The following PEDS1 variants were observed in gnomAD, a reference collection of about 807,000 sequenced individuals.
PEDS1 encodes the protein CarF homolog.
A neutral mutation model predicts 35.2 loss-of-function variants in PEDS1; 14 were observed. The ratio of observed to expected loss-of-function variants is 0.40; its 90% CI spans 0.26 to 0.62. The LOEUF (loss-of-function observed/expected upper bound fraction) is 0.62, where lower values mean the gene tolerates loss of function less well. PEDS1 is among the 20% of genes least tolerant of loss of function. The pLI is 0.44. For missense variants in PEDS1, 260 were observed against 367.8 expected (o/e 0.71, Z 2.40); for synonymous variants, 152 against 152.0 (o/e 1.00, Z 0.00).
chr20:50,141,167 G>T (rs78325311), intron 2 of PEDS1, among the ~76,000 whole-genome samples: 1 of 152,188 alleles, frequency 6.6e-6, no homozygotes, highest in African/African-American at 2.4e-5. Flanking sequence ...GGCTATACAC[G>T]CCCTGGTGGG....
chr20:50,131,256 A>G (rs2081176261), intron 2 of PEDS1: 1 of 619,098 alleles, frequency 1.6e-6, no homozygotes, highest in Non-Finnish European at 2.9e-6. Flanking sequence ...TCTGCCCCAT[A>G]TAAGGAAAGC....
At chr20:50,146,797 C>T (rs924441216) in intron 1 of PEDS1, among the ~76,000 whole-genome samples, 6 of 152,192 alleles carry the variant, frequency 3.9e-5, no homozygotes, top group Non-Finnish European at 8.8e-5. Flanking sequence ...GCAGAGGTCA[C>T]AGGGGCCTAG....
intron 2 of PEDS1, among the ~76,000 whole-genome samples, chr20:50,139,679 C>CT (rs11479032): frequency 0.056 from 7,720 of 137,258 alleles, 289 homozygotes; most frequent in East Asian, 0.13. Flanking sequence ...GGATTTCTTT[C>CT]TTTTTTTTTT....
At chr20:50,152,964 G>C (rs2081420214) in intron 1 of PEDS1, among the ~76,000 whole-genome samples, 1 of 152,110 alleles carries the variant, frequency 6.6e-6, no homozygotes, top group Non-Finnish European at 1.5e-5. Flanking sequence ...CCTGAGTTAG[G>C]GTTCCCTGGG....
rs1420027818 is a variant in PEDS1, at chr20:50,123,166, A to G, written c.*1892T>C. ...CACCTCAGCCTATGAGTCTCTGTAT[A>G]CCAAATCCATGTTTTCCCAACCTTG... is the stretch of plus-strand genomic sequence containing the variant. On this transcript the variant is annotated 3_prime_UTR_variant, in exon 6 of 6. Transcript: ENST00000371652. The G allele has an allele frequency of 6.6e-6, 1 of 152,112 alleles. No individual in the cohort carries two copies. The highest frequency in any genetic ancestry group is 1.5e-5 in the Non-Finnish European group (1 of 68,010). The allele number at this position is 152,112 out of a possible 1,614,324, so 9.4% of individuals were successfully genotyped here.
chr20:50,137,277 C>T (rs1031508926), intron 2 of PEDS1, among the ~76,000 whole-genome samples: 2 of 152,170 alleles, frequency 1.3e-5, no homozygotes, highest in Non-Finnish European at 2.9e-5. Flanking sequence ...AAGCGACCCA[C>T]TCACAAATCC....
rs11416444 is a variant in PEDS1, at chr20:50,122,934, T to TA, written c.*2123dup. On this transcript the variant is annotated 3_prime_UTR_variant, in exon 6 of 6. Coordinates refer to ENST00000371652, the MANE Select transcript of PEDS1 (RefSeq NM_199129.4). ...ACAACATAGTGAGACCCCATTTCTTTAAAAAAAAAAAAAAATAGCCAAGCC... is the reference window on the plus strand; with the variant it reads ...ACAACATAGTGAGACCCCATTTCTTTAAAAAAAAAAAAAAAATAGCCAAGCC... The TA allele has an allele frequency of 0.5, 72,079 of 143,696 alleles. 18,464 individuals carry two copies. Among genetic ancestry groups the TA allele is most frequent in the African/African-American group, 0.67 (26,066 of 38,992 alleles). 8.9% of individuals were successfully genotyped at this position (143,696 alleles called of 1,614,324 possible). A position where few individuals can be genotyped will look rare whatever the true frequency, so the allele number is the denominator to read the frequency against.
At position 50,124,878 on chromosome 20, in the gene PEDS1, A is replaced by T; in HGVS notation, c.*180T>A. On this transcript the variant is annotated 3_prime_UTR_variant, in exon 6 of 6. Transcript: ENST00000371652. Reference sequence around the variant, plus strand: ...GGGGCCGAGGAAAAAAAAAAAAAAGAAATGAAAAATCAGTGGCTCAAGTAT... The same window carrying T: ...GGGGCCGAGGAAAAAAAAAAAAAAGTAATGAAAAATCAGTGGCTCAAGTAT... 1.3e-6 allele frequency: 1 copy of T among 789,706 alleles called. No homozygotes were observed. Among genetic ancestry groups the T allele is most frequent in the Non-Finnish European group, 1.9e-6 (1 of 515,504 alleles). The allele number at this position is 789,706 out of a possible 1,614,324, so 48.9% of individuals were successfully genotyped here. A position where few individuals can be genotyped will look rare whatever the true frequency, so the allele number is the denominator to read the frequency against.
At position 50,128,260 on chromosome 20, in the gene PEDS1, C is replaced by T. The variant is rs945994725; in HGVS notation, c.479-73G>A. ...GGGAACCCACCCCAAATGGCCCTCA[C>T]CACCTGCTCCTGGGCGGCTCCTGAG... On this transcript the variant is annotated intron_variant, in intron 4 of 5. Transcript: ENST00000371652. This position sits in a 1 kb window ranked among gnomAD's most constrained non-coding sequence, Gnocchi z 5.2. 1 of 1,566,796 alleles carries T rather than the reference C, an allele frequency of 6.4e-7. No individual in the cohort carries two copies. Among genetic ancestry groups the T allele is most frequent in the Non-Finnish European group, 8.7e-7 (1 of 1,152,918 alleles).
At chr20:50,140,091 C>A (rs1343330621) in intron 2 of PEDS1, among the ~76,000 whole-genome samples, 4 of 152,346 alleles carry the variant, frequency 2.6e-5, no homozygotes, top group South Asian at 4.1e-4. Context: ...ACAGCTTCAT[C>A]CCTTCCATCT....
chr20:50,148,355 A>G (rs6095792), intron 1 of PEDS1, among the ~76,000 whole-genome samples: 15,205 of 152,158 alleles, frequency 0.1, 2,432 homozygotes, highest in African/African-American at 0.34. Flanking sequence ...TTAACAGATG[A>G]GCAGACTGAG....
intron 1 of PEDS1, among the ~76,000 whole-genome samples, chr20:50,144,660 T>C (rs563995986): frequency 7.9e-5 from 12 of 152,316 alleles, no homozygotes; most frequent in Admixed American, 3.3e-4. Flanking sequence ...TAAGTGGCCA[T>C]TGCCTGGGGA....
rs1247429426 is a variant in PEDS1 at position 50,122,136 on chromosome 20, A to C, written c.*2922T>G. 2.0e-5 allele frequency: 3 copies of C among 152,206 alleles called. No homozygotes were observed. The East Asian group carries it at 5.8e-4, about 29-fold the overall frequency. 9.4% of individuals were successfully genotyped at this position (152,206 alleles called of 1,614,324 possible). On this transcript the variant is annotated 3_prime_UTR_variant, in exon 6 of 6. Transcript: ENST00000371652. ...ACTGAGATTGCTGAGCTGGTCTAGT[A>C]AGTCTCAACTCAAAGAGAAAAACAG...
rs1569041870 is a variant in PEDS1, at chr20:50,129,059, G to A, written c.478+487C>T. 6.6e-6 allele frequency among the ~76,000 whole-genome samples: 1 copy of A among 152,238 alleles called. No homozygotes were observed. The highest frequency in any genetic ancestry group is 1.5e-5 in the Non-Finnish European group (1 of 68,048). On this transcript the variant is annotated intron_variant, in intron 4 of 5. Transcript: ENST00000371652. The surrounding 1 kb of genome is among the most constrained non-coding windows in gnomAD (Gnocchi z 4.2). The stretch of plus-strand genomic sequence containing the variant: ...ACCGGGCCCCAACCTACCTCCACCT[G>A]ACAGATAAGGCAACTGAGGCTCAGA...
rs1439182660 is a variant in PEDS1, at chr20:50,121,485, G to A, written c.*3573C>T. 6.6e-6 allele frequency: 1 copy of A among 152,272 alleles called. No individual in the cohort carries two copies. The highest frequency in any genetic ancestry group is 1.5e-5 in the Non-Finnish European group (1 of 68,124). 9.4% of individuals were successfully genotyped at this position (152,272 alleles called of 1,614,324 possible). On this transcript the variant is annotated 3_prime_UTR_variant, in exon 6 of 6. Coordinates refer to ENST00000371652, the MANE Select transcript of PEDS1 (RefSeq NM_199129.4). Reference sequence around the variant, plus strand: ...AGTACTCACTTCTCAGAGCTGCAGGGACTGCTTGACAGGACCCATGCCAGA... The same window carrying A: ...AGTACTCACTTCTCAGAGCTGCAGGAACTGCTTGACAGGACCCATGCCAGA...
intron 2 of PEDS1, among the ~76,000 whole-genome samples, chr20:50,137,615 A>G (rs1043490735): frequency 6.6e-6 from 1 of 152,150 alleles, no homozygotes; most frequent in Non-Finnish European, 1.5e-5. Context: ...GCTCACTCCT[A>G]TAATCCCAGC....
Position 50,153,174 on chromosome 20 carries a change from G to T in PEDS1, c.121+343C>A, listed in dbSNP as rs1323890065. 4.0e-5 allele frequency among the ~76,000 whole-genome samples: 6 copies of T among 151,862 alleles called. No homozygotes were observed. The East Asian group carries it at 1.2e-3, about 29-fold the overall frequency. ...CTTGGACCGGGTCCTGGGGGGATGA[G>T]GGGGTGGGGTTCTAAGTCTAGGAGC... On this transcript the variant is annotated intron_variant, in intron 1 of 5. Coordinates refer to ENST00000371652, the MANE Select transcript of PEDS1 (RefSeq NM_199129.4).
At position 50,128,791 on chromosome 20, in the gene PEDS1, C is replaced by T. The variant is rs1341173215; in HGVS notation, c.479-604G>A. ...ACCCACTCAGAGGCAAAGGGACTAG[C>T]GTCGGAGGCGTTTCAGTCACTGGCT... On this transcript the variant is annotated intron_variant, in intron 4 of 5. Coordinates refer to ENST00000371652, the MANE Select transcript of PEDS1 (RefSeq NM_199129.4). This position sits in a 1 kb window ranked among gnomAD's most constrained non-coding sequence, Gnocchi z 5.2. 2.6e-5 allele frequency among the ~76,000 whole-genome samples: 4 copies of T among 152,192 alleles called. No individual in the cohort carries two copies. Among genetic ancestry groups the T allele is most frequent in the Admixed American group, 6.5e-5 (1 of 15,284 alleles).
At chr20:50,139,406 G>A (rs1347453446) in intron 2 of PEDS1, among the ~76,000 whole-genome samples, 1 of 151,926 alleles carries the variant, frequency 6.6e-6, no homozygotes, top group Non-Finnish European at 1.5e-5. Context: ...TCCCTTTACT[G>A]GCCACCTTGC....
Sources: gnomAD v4.1 joint callset for allele counts (sites outside exome capture counted in the v4.1 genomes callset) on GRCh38, gnomAD v4.1.1 for gene constraint, Gnocchi (gnomAD v3.1) non-coding constraint, MANE v1.5 for transcripts, NCBI Gene and HGNC (gene_info 2026-07-23, HGNC 2026-07-21) for gene names.